CSRNP3: variants seen among roughly 807,000 people sequenced by gnomAD.
CSRNP3 encodes cysteine and serine rich nuclear protein 3.
A neutral mutation model predicts 48.0 loss-of-function variants in CSRNP3; 12 were observed. The observed-to-expected ratio is 0.25, with a 90% CI of 0.16 to 0.41. CSRNP3 has a LOEUF of 0.41. Ranked by LOEUF, CSRNP3 falls within the 10% of genes least tolerant of loss-of-function variation. The pLI is 1.00. For missense variants in CSRNP3, 580 were observed against 724.4 expected (o/e 0.80, Z 2.29); for synonymous variants, 263 against 269.7 (o/e 0.98, Z 0.24).
In CSRNP3 at chr2:165,657,980, A is replaced by G. The variant is rs778377776; in HGVS notation, c.368A>G (p.Glu123Gly). ...QERLHREMLREHLREEKLNSL... is the reference protein window; with the variant it reads ...QERLHREMLRGHLREEKLNSL... Reference sequence around the variant, plus strand: ...AGGCTCCACCGGGAGATGTTGAGAGAACACCTTAGGGAGGAAAAGCTGAAC... The same window carrying G: ...AGGCTCCACCGGGAGATGTTGAGAGGACACCTTAGGGAGGAAAAGCTGAAC... Residue 123 changes from glutamate to glycine, a missense_variant, in exon 5 of 7, where the codon GAA (glutamate) becomes GGA (glycine). Physicochemically the swap from Glu to Gly is moderately conservative, Grantham distance 98. Around this residue, in one of 4 missense-constraint regions of CSRNP3, gnomAD observed 62 missense variants for 66.4 expected, o/e 0.93. Transcript: ENST00000651982. The G allele has an allele frequency of 9.9e-6, 16 of 1,613,926 alleles. No homozygotes were observed. The highest frequency in any genetic ancestry group is 1.4e-5 in the Non-Finnish European group (16 of 1,179,994).
intron 4 of CSRNP3, among the ~76,000 whole-genome samples, chr2:165,642,562 C>CT (rs36072196): frequency 0.041 from 5,607 of 135,206 alleles, 247 homozygotes; most frequent in African/African-American, 0.12. Context: ...TATGCATATT[C>CT]TTTTTTTTTT....
intron 3 of CSRNP3, among the ~76,000 whole-genome samples, chr2:165,573,221 CA>C (rs1400022312): frequency 6.6e-6 from 1 of 151,904 alleles, no homozygotes; most frequent in Non-Finnish European, 1.5e-5. Flanking sequence ...GATTATTGCA[CA>C]AAACCTTTTA....
chr2:165,574,434 A>G (rs1277160022), intron 3 of CSRNP3: 9 of 1,540,794 alleles, frequency 5.8e-6, no homozygotes, highest in Non-Finnish European at 5.3e-6. Context: ...GCACGCAGGT[A>G]TGGTGACATT....
chr2:165,555,377 T>C (rs1013775754), intron 3 of CSRNP3, among the ~76,000 whole-genome samples: 1 of 152,256 alleles, frequency 6.6e-6, no homozygotes, highest in Admixed American at 6.5e-5. Context: ...AATTGAGCTT[T>C]CATTTTACAG....
chr2:165,490,169 G>A lies in CSRNP3; in HGVS notation c.-282-4590G>A, dbSNP rs1684183406. On this transcript the variant is annotated intron_variant, in intron 1 of 6. Coordinates refer to ENST00000651982, the MANE Select transcript of CSRNP3 (RefSeq NM_001172173.2). ...TACACCAACAACAGACAAACAGAGAGCCAAATCATGAGTGAACTCCCATTC... is the reference window on the plus strand; with the variant it reads ...TACACCAACAACAGACAAACAGAGAACCAAATCATGAGTGAACTCCCATTC... 2.7e-5 allele frequency among the ~76,000 whole-genome samples: 4 copies of A among 148,778 alleles called. No homozygotes were observed. The South Asian group carries it at 6.4e-4, about 24-fold the overall frequency.
intron 3 of CSRNP3, among the ~76,000 whole-genome samples, chr2:165,544,974 A>G (rs1490588285): frequency 6.6e-6 from 1 of 152,200 alleles, no homozygotes; most frequent in Non-Finnish European, 1.5e-5. Context: ...AGAAGGACCA[A>G]TCAGTGAAGT....
chr2:165,608,199 A>AT (rs1406895960), intron 4 of CSRNP3, among the ~76,000 whole-genome samples: 3 of 151,946 alleles, frequency 2.0e-5, no homozygotes, highest in African/African-American at 4.8e-5. Flanking sequence ...AATTAAACAG[A>AT]TAATGCACTC....
chr2:165,570,241 C>T (rs183214301), intron 3 of CSRNP3, among the ~76,000 whole-genome samples: 14 of 152,084 alleles, frequency 9.2e-5, no homozygotes, highest in African/African-American at 3.4e-4. Context: ...CATTCTATCT[C>T]TTTCTAGTTC....
intron 3 of CSRNP3, among the ~76,000 whole-genome samples, chr2:165,574,939 A>G (rs907773912): frequency 5.9e-5 from 9 of 152,220 alleles, no homozygotes; most frequent in East Asian, 3.9e-4. Flanking sequence ...TTTTTGTTCT[A>G]TATTTTATTG....
chr2:165,625,811 T>A (rs1418546874), intron 4 of CSRNP3, among the ~76,000 whole-genome samples: 10 of 147,834 alleles, frequency 6.8e-5, no homozygotes, highest in Non-Finnish European at 1.3e-4. Flanking sequence ...CGGGCACCTA[T>A]AATCCCAGCT....
chr2:165,470,938 C>T (rs1164757806), intron 1 of CSRNP3, among the ~76,000 whole-genome samples: 1 of 151,818 alleles, frequency 6.6e-6, no homozygotes, highest in Non-Finnish European at 1.5e-5. Context: ...ATAGGAATGA[C>T]TATATAATTT....
intron 4 of CSRNP3, among the ~76,000 whole-genome samples, chr2:165,651,250 G>A (rs927343288): frequency 1.8e-4 from 27 of 152,276 alleles, no homozygotes; most frequent in African/African-American, 6.3e-4. Context: ...AAGCAAATTT[G>A]ATTATTTTCA....
chr2:165,671,602 T>A (rs946810152), intron 5 of CSRNP3, among the ~76,000 whole-genome samples: 4 of 152,184 alleles, frequency 2.6e-5, no homozygotes, highest in African/African-American at 9.6e-5. Flanking sequence ...AACCATTTTT[T>A]CCTTCTAGGC....
At chr2:165,628,291 C>T (rs79839177) in intron 4 of CSRNP3, among the ~76,000 whole-genome samples, 2,446 of 152,304 alleles carry the variant, frequency 0.016, 20 homozygotes, top group Non-Finnish European at 0.028. Context: ...CCATTTTGTG[C>T]CTTTTTCCCC....
intron 3 of CSRNP3, among the ~76,000 whole-genome samples, chr2:165,564,624 T>C (rs1431531797): frequency 1.3e-5 from 2 of 151,980 alleles, no homozygotes; most frequent in Non-Finnish European, 2.9e-5. Context: ...CTATACCTAT[T>C]AGGTGTCATC....
At chr2:165,599,513 A>G (rs2105299708) in intron 4 of CSRNP3, among the ~76,000 whole-genome samples, 1 of 152,200 alleles carries the variant, frequency 6.6e-6, no homozygotes, top group South Asian at 2.1e-4. Context: ...CTGGTCTCAA[A>G]CTACTGGGCT....
chr2:165,571,505 G>GTA (rs1558937534), intron 3 of CSRNP3, among the ~76,000 whole-genome samples: 1 of 151,628 alleles, frequency 6.6e-6, no homozygotes, highest in East Asian at 1.9e-4. Flanking sequence ...ACACATATTT[G>GTA]TATATATATT....
At chr2:165,526,411 T>C (rs987143365) in intron 3 of CSRNP3, among the ~76,000 whole-genome samples, 26 of 152,172 alleles carry the variant, frequency 1.7e-4, no homozygotes, top group African/African-American at 6.3e-4. Context: ...TTACTAGATA[T>C]CATTAAAAAT....
At chr2:165,643,054 C>T (rs530185165) in intron 4 of CSRNP3, among the ~76,000 whole-genome samples, 5 of 152,236 alleles carry the variant, frequency 3.3e-5, no homozygotes, top group African/African-American at 1.2e-4. Flanking sequence ...TCTTTAATAA[C>T]ATAAAACTGC....
Sources: allele counts gnomAD v4.1 joint callset (sites outside exome capture counted in the v4.1 genomes callset), GRCh38; gene constraint gnomAD v4.1.1; regional missense constraint gnomAD v4.1.1; transcripts MANE v1.5; gene names NCBI Gene and HGNC (gene_info 2026-07-23, HGNC 2026-07-21).